The following GFRAL variants were observed in gnomAD, a reference collection of about 807,000 sequenced individuals.
GFRAL encodes the protein GDNF family receptor alpha like.
A neutral mutation model predicts 45.4 loss-of-function variants in GFRAL; 36 were observed. That is an observed-to-expected ratio of 0.79 (90% CI 0.61 to 1.05). GFRAL has a LOEUF of 1.05. GFRAL is among the 50% of genes least tolerant of loss of function. GFRAL has a pLI of 0.00. For missense variants in GFRAL, 507 were observed against 467.5 expected (o/e 1.08, Z -0.78); for synonymous variants, 166 against 154.1 (o/e 1.08, Z -0.57).
At chr6:55,342,972 G>A (rs1767989211) in intron 3 of GFRAL, among the ~76,000 whole-genome samples, 1 of 152,136 alleles carries the variant, frequency 6.6e-6, no homozygotes, top group South Asian at 2.1e-4. Context: ...AACAAGAAGA[G>A]CTAACTATCC....
chr6:55,340,646 C>G (rs535281306), intron 3 of GFRAL, among the ~76,000 whole-genome samples: 1 of 152,118 alleles, frequency 6.6e-6, no homozygotes, highest in Non-Finnish European at 1.5e-5. Context: ...GTACCAGGTT[C>G]ATCTCACTGG....
At chr6:55,336,623 T>C (rs1014368531) in intron 3 of GFRAL, among the ~76,000 whole-genome samples, 2 of 152,190 alleles carry the variant, frequency 1.3e-5, no homozygotes, top group Non-Finnish European at 2.9e-5. Context: ...ATTATTCTAT[T>C]TTTTTGTAGA....
intron 6 of GFRAL, among the ~76,000 whole-genome samples, chr6:55,385,814 G>A (rs1247944524): frequency 1.3e-5 from 2 of 152,044 alleles, no homozygotes; most frequent in Non-Finnish European, 2.9e-5. Flanking sequence ...ACCTCCACCA[G>A]GTTGTGTAGA....
intron 6 of GFRAL, among the ~76,000 whole-genome samples, chr6:55,396,015 G>A (rs80202320): frequency 0.043 from 6,531 of 152,158 alleles, 197 homozygotes; most frequent in African/African-American, 0.073. Context: ...ATGGTCTGGG[G>A]CTGAGGTTAG....
intron 6 of GFRAL, among the ~76,000 whole-genome samples, chr6:55,379,617 C>G (rs1044519645): frequency 6.6e-6 from 1 of 151,430 alleles, no homozygotes; most frequent in African/African-American, 2.4e-5. Flanking sequence ...ATGGTTAAAT[C>G]TAGCTAATTT....
intron 6 of GFRAL, among the ~76,000 whole-genome samples, chr6:55,392,534 C>T (rs920862943): frequency 6.6e-6 from 1 of 152,152 alleles, no homozygotes; most frequent in Non-Finnish European, 1.5e-5. Flanking sequence ...CTCATGGGGA[C>T]ATGTTGGGAA....
chr6:55,371,582 T>G, intron 6 of GFRAL, among the ~76,000 whole-genome samples: 1 of 152,234 alleles, frequency 6.6e-6, no homozygotes, highest in East Asian at 1.9e-4. Context: ...TGTCACAAGT[T>G]TTTTGTAGAT....
At chr6:55,378,119 C>T (rs745776704) in intron 6 of GFRAL, among the ~76,000 whole-genome samples, 3 of 152,020 alleles carry the variant, frequency 2.0e-5, no homozygotes, top group Non-Finnish European at 4.4e-5. Flanking sequence ...TGCATGAGTG[C>T]TGAGTGGGTC....
chr6:55,353,194 TG>T (rs1424261203), intron 5 of GFRAL, among the ~76,000 whole-genome samples: 4 of 152,002 alleles, frequency 2.6e-5, no homozygotes, highest in African/African-American at 9.7e-5. Context: ...GCTTCGGACA[TG>T]TAGGTGGCTT....
At chr6:55,371,917 C>T (rs896708952) in intron 6 of GFRAL, among the ~76,000 whole-genome samples, 2 of 152,134 alleles carry the variant, frequency 1.3e-5, no homozygotes, top group Non-Finnish European at 2.9e-5. Context: ...ACAAATTTTC[C>T]AGAAGAGTTG....
intron 3 of GFRAL, among the ~76,000 whole-genome samples, chr6:55,336,133 G>T (rs992026465): frequency 1.3e-5 from 2 of 152,060 alleles, no homozygotes; most frequent in African/African-American, 4.8e-5. Flanking sequence ...TAGTAGAAAC[G>T]GGTTTTCGCC....
At chr6:55,393,225 T>G (rs1768777871) in intron 6 of GFRAL, among the ~76,000 whole-genome samples, 1 of 152,200 alleles carries the variant, frequency 6.6e-6, no homozygotes, top group African/African-American at 2.4e-5. Context: ...CTGGAGAAAG[T>G]AAATTTAGGT....
intron 5 of GFRAL, among the ~76,000 whole-genome samples, chr6:55,354,655 T>A (rs56077717): frequency 0.21 from 32,053 of 151,878 alleles, 3,645 homozygotes; most frequent in South Asian, 0.3. Context: ...GATTTCCAGC[T>A]TTTATATTAA....
At chr6:55,334,355 G>T (rs985595371) in intron 3 of GFRAL, among the ~76,000 whole-genome samples, 1 of 152,216 alleles carries the variant, frequency 6.6e-6, no homozygotes, top group African/African-American at 2.4e-5. Flanking sequence ...AAGGAACTCA[G>T]TGTCTCCTGG....
At chr6:55,366,220 A>C (rs1362083746) in intron 6 of GFRAL, among the ~76,000 whole-genome samples, 1 of 151,768 alleles carries the variant, frequency 6.6e-6, no homozygotes, top group African/African-American at 2.4e-5. Context: ...TTTCTAGTTT[A>C]TTTGTGTAGA....
rs554619663 is a variant in GFRAL, at chr6:55,399,790, G to T, written c.1121+349G>T. On this transcript the variant is annotated intron_variant, in intron 8 of 8. Transcript: ENST00000340465. ...TTCAAATCATTTGCATGATTGATAG[G>T]CTCACATAACTGACCTATTGTTTAC... Among the ~76,000 whole-genome samples the T allele has an allele frequency of 1.6e-4, 25 of 152,138 alleles. No individual in the cohort carries two copies. The East Asian group carries it at 4.8e-3, about 29-fold the overall frequency.
At chr6:55,392,680 C>T (rs1010586457) in intron 6 of GFRAL, among the ~76,000 whole-genome samples, 2 of 151,924 alleles carry the variant, frequency 1.3e-5, no homozygotes, top group Non-Finnish European at 2.9e-5. Context: ...TTTGCTTGAA[C>T]ACATGGACAA....
At chr6:55,366,053 G>C (rs1255172587) in intron 6 of GFRAL, among the ~76,000 whole-genome samples, 1 of 151,522 alleles carries the variant, frequency 6.6e-6, no homozygotes, top group Admixed American at 6.6e-5. Context: ...GAATTCGGCT[G>C]TGAATCCATC....
chr6:55,368,891 TTTTG>T lies in GFRAL; in HGVS notation c.952+9759_952+9762del, dbSNP rs549767495. Among the ~76,000 whole-genome samples the T allele has an allele frequency of 3.8e-3, 582 of 152,154 alleles. 4 individuals carry two copies. Among genetic ancestry groups the T allele is most frequent in the African/African-American group, 0.014 (568 of 41,504 alleles). On this transcript the variant is annotated intron_variant, in intron 6 of 8. Coordinates refer to ENST00000340465, the MANE Select transcript of GFRAL (RefSeq NM_207410.2). ...AAGTCTGCAGAGGTTACTGCTGTCT[TTTTG>T]TTTGTCTGTGCCCTGACCCCGGAGG...
Sources: allele counts gnomAD v4.1 joint callset (sites outside exome capture counted in the v4.1 genomes callset), GRCh38; gene constraint gnomAD v4.1.1; transcripts MANE v1.5; gene names NCBI Gene and HGNC (gene_info 2026-07-23, HGNC 2026-07-21).